AKT3: variants seen among roughly 807,000 people sequenced by gnomAD.
The protein encoded by AKT3 is AKT serine/threonine kinase 3.
In AKT3, 15 loss-of-function variants were observed where a neutral mutation model predicts 65.3. The ratio of observed to expected loss-of-function variants is 0.23; its 90% CI spans 0.15 to 0.35. The LOEUF (loss-of-function observed/expected upper bound fraction) is 0.35, where lower values mean the gene tolerates loss of function less well. AKT3 is among the 10% of genes least tolerant of loss of function. AKT3 has a pLI of 1.00. For missense variants in AKT3, 243 were observed against 576.5 expected (o/e 0.42, Z 5.92); for synonymous variants, 206 against 183.8 (o/e 1.12, Z -0.98).
At chr1:243,646,067 T>C (rs767876056) in intron 4 of AKT3, 30 bp from the exon 5 acceptor site, 4 of 1,541,474 alleles carry the variant, frequency 2.6e-6, no homozygotes, top group East Asian at 2.3e-5. Flanking sequence ...TTCCCATTAA[T>C]AGAAGATGGT....
chr1:243,607,075 C>G (rs1449759723), intron 8 of AKT3, among the ~76,000 whole-genome samples: 1 of 152,356 alleles, frequency 6.6e-6, no homozygotes, highest in East Asian at 1.9e-4. Flanking sequence ...CAGTCTGCTG[C>G]AGGGGCAGAG....
chr1:243,800,372 G>A (rs1211845389), intron 2 of AKT3, among the ~76,000 whole-genome samples: 1 of 152,214 alleles, frequency 6.6e-6, no homozygotes, highest in East Asian at 1.9e-4. Flanking sequence ...CTAACTAAGA[G>A]TGTTAGCTAT....
At chr1:243,496,644 C>T (rs566142445), downstream of AKT3, among the ~76,000 whole-genome samples, 2 of 152,282 alleles carry the variant, frequency 1.3e-5, no homozygotes. Context: ...TGAGCAGGGG[C>T]GAGGGGTGCC....
chr1:243,527,529 G>C (rs1442509202), intron 12 of AKT3, among the ~76,000 whole-genome samples: 1 of 151,986 alleles, frequency 6.6e-6, no homozygotes, highest in Non-Finnish European at 1.5e-5. Flanking sequence ...CAAGGCTTTA[G>C]CAGTCAGCAT....
intron 5 of AKT3, among the ~76,000 whole-genome samples, chr1:243,643,537 AT>A (rs1217341615): frequency 6.6e-6 from 1 of 152,178 alleles, no homozygotes; most frequent in Non-Finnish European, 1.5e-5. Flanking sequence ...ATAGAACCAC[AT>A]TTTCTTTTAA....
At chr1:243,783,622 TAAA>T (rs1234632866) in intron 2 of AKT3, among the ~76,000 whole-genome samples, 2 of 152,094 alleles carry the variant, frequency 1.3e-5, no homozygotes, top group Non-Finnish European at 1.5e-5. Context: ...TTTTAATTCT[TAAA>T]AAAAATCTGG....
At chr1:243,698,816 A>C (rs1286991779) in intron 2 of AKT3, among the ~76,000 whole-genome samples, 1 of 152,110 alleles carries the variant, frequency 6.6e-6, no homozygotes, top group Non-Finnish European at 1.5e-5. Flanking sequence ...AAGACTACTA[A>C]ATCTATTTTC....
intron 4 of AKT3, among the ~76,000 whole-genome samples, chr1:243,662,613 G>T (rs574252836): frequency 6.6e-6 from 1 of 150,874 alleles, no homozygotes; most frequent in Admixed American, 6.6e-5. Flanking sequence ...GCTAGATGAC[G>T]AGTTAGTGGG....
chr1:243,633,935 T>C (rs1302943012), intron 6 of AKT3, among the ~76,000 whole-genome samples: 1 of 152,086 alleles, frequency 6.6e-6, no homozygotes, highest in Non-Finnish European at 1.5e-5. Context: ...AATTATTACA[T>C]GAAAATATAG....
intron 3 of AKT3, among the ~76,000 whole-genome samples, chr1:243,689,191 A>G (rs963880771): frequency 6.6e-6 from 1 of 152,134 alleles, no homozygotes; most frequent in African/African-American, 2.4e-5. Context: ...AAATTTTATT[A>G]TATATTCCTT....
intron 3 of AKT3, among the ~76,000 whole-genome samples, chr1:243,685,237 T>C (rs1684204993): frequency 6.6e-6 from 1 of 152,236 alleles, no homozygotes; most frequent in Admixed American, 6.5e-5. Context: ...CATACCTATG[T>C]CCTGAATATT....
intron 2 of AKT3, among the ~76,000 whole-genome samples, chr1:243,714,112 C>A (rs561014152): frequency 6.6e-6 from 1 of 152,210 alleles, no homozygotes; most frequent in Non-Finnish European, 1.5e-5. Flanking sequence ...GTAATTGTAC[C>A]ATATGGTGAG....
Position 243,499,905 on chromosome 1 carries a change from G to GTGGGGCTGGTCCTCATCAACGC in AKT3, c.*5322_*5343dup. 1 of 932,932 alleles carries GTGGGGCTGGTCCTCATCAACGC rather than the reference G, an allele frequency of 1.1e-6. No homozygotes were observed. Among genetic ancestry groups the GTGGGGCTGGTCCTCATCAACGC allele is most frequent in the Non-Finnish European group, 1.7e-6 (1 of 585,348 alleles). The allele number at this position is 932,932 out of a possible 1,614,324, so 57.8% of individuals were successfully genotyped here. On this transcript the variant is annotated 3_prime_UTR_variant, in exon 14 of 14. Coordinates refer to ENST00000673466, the MANE Select transcript of AKT3 (RefSeq NM_005465.7). ...CAGGGTGACACCGCCTCAGCCTGCA[G>GTGGGGCTGGTCCTCATCAACGC]TGGGGCTGGTCCTCATCAACGCGGG...
intron 4 of AKT3, among the ~76,000 whole-genome samples, chr1:243,655,538 T>C (rs1681711702): frequency 6.6e-6 from 1 of 152,180 alleles, no homozygotes. Flanking sequence ...ACATGAAAAC[T>C]GAGGTAATGT....
At chr1:243,769,133 C>T (rs1390735756) in intron 2 of AKT3, among the ~76,000 whole-genome samples, 2 of 151,902 alleles carry the variant, frequency 1.3e-5, no homozygotes, top group Admixed American at 6.6e-5. Flanking sequence ...TTCACTTAGC[C>T]GAGCTTTTCA....
intron 4 of AKT3, among the ~76,000 whole-genome samples, chr1:243,661,402 A>C (rs1216147384): frequency 4.0e-5 from 6 of 151,592 alleles, no homozygotes; most frequent in Non-Finnish European, 4.4e-5. Flanking sequence ...GAAATGACGC[A>C]TATCTACAAC....
intron 8 of AKT3, among the ~76,000 whole-genome samples, chr1:243,584,149 T>C (rs1256759405): frequency 4.6e-5 from 7 of 152,038 alleles, no homozygotes; most frequent in African/African-American, 7.2e-5. Flanking sequence ...TTACAACTTA[T>C]CCCACAGGAA....
intron 5 of AKT3, among the ~76,000 whole-genome samples, chr1:243,644,847 G>T (rs1250804145): frequency 6.6e-6 from 1 of 152,066 alleles, no homozygotes; most frequent in African/African-American, 2.4e-5. Flanking sequence ...GCTAGACTTT[G>T]TTTTTCTTTT....
intron 13 of AKT3, among the ~76,000 whole-genome samples, chr1:243,491,996 C>T (rs1460466541): frequency 6.6e-6 from 1 of 152,196 alleles, no homozygotes; most frequent in Non-Finnish European, 1.5e-5. Context: ...AAGTCCACCC[C>T]TTTCCTTCCC....
Sources: gnomAD v4.1 joint callset for allele counts (sites outside exome capture counted in the v4.1 genomes callset) on GRCh38, gnomAD v4.1.1 for gene constraint, MANE v1.5 for transcripts, NCBI Gene and HGNC (gene_info 2026-07-23, HGNC 2026-07-21) for gene names.